The following SPOCK1 variants were observed in gnomAD, a reference collection of about 807,000 sequenced individuals.
SPOCK1 encodes SPARC (osteonectin), cwcv and kazal like domains proteoglycan 1, also known as testican-1.
In SPOCK1, 23 loss-of-function variants were observed where a neutral mutation model predicts 55.3. The observed-to-expected ratio is 0.42, with a 90% CI of 0.30 to 0.59. The LOEUF is 0.59. Among genes scored for constraint, SPOCK1 ranks in the 20% least tolerant of loss-of-function variants. The probability of loss-of-function intolerance (pLI) is 0.22; values close to 1 mark genes in which losing one functional copy is unlikely to be tolerated. For synonymous variants in SPOCK1, 226 were observed against 221.0 expected, an observed-to-expected ratio of 1.02 and a Z score of -0.20; for missense variants, 499 against 552.5, an observed-to-expected ratio of 0.90 and a Z score of 0.97.
At position 137,434,480 on chromosome 5, in the gene SPOCK1, C is replaced by CT. The variant is rs146762668; in HGVS notation, c.186+63892dup. 9.1e-3 allele frequency among the ~76,000 whole-genome samples: 620 copies of CT among 68,178 alleles called. 64 individuals carry two copies. Among genetic ancestry groups the CT allele is most frequent in the Non-Finnish European group, 0.011 (426 of 38,672 alleles). The allele number at this position is 68,178 out of a possible 152,430, so 44.7% of individuals were successfully genotyped here. ...TTTCCCTTCTCCATTTCTTTTTTTT[C>CT]TTTTTTTTTTTTTTTTTTTTTTTTT... On this transcript the variant is annotated intron_variant, in intron 2 of 10. Coordinates refer to ENST00000394945, the MANE Select transcript of SPOCK1 (RefSeq NM_004598.4).
At chr5:136,981,336 C>A (rs1241921081) in intron 9 of SPOCK1, among the ~76,000 whole-genome samples, 2 of 152,208 alleles carry the variant, frequency 1.3e-5, no homozygotes, top group Non-Finnish European at 2.9e-5. Flanking sequence ...AGAAAACTAT[C>A]TCTGATATGG....
chr5:137,053,503 A>C (rs1029350164), intron 6 of SPOCK1, among the ~76,000 whole-genome samples: 1 of 152,164 alleles, frequency 6.6e-6, no homozygotes, highest in Non-Finnish European at 1.5e-5. Flanking sequence ...AGCTGCAAAT[A>C]AGAAAGCTTA....
At chr5:137,082,067 T>C (rs559189320) in intron 5 of SPOCK1, among the ~76,000 whole-genome samples, 122 of 152,348 alleles carry the variant, frequency 8.0e-4, no homozygotes, top group African/African-American at 2.9e-3. Flanking sequence ...CATTCTGCCC[T>C]GCGAGGCAAG....
intron 3 of SPOCK1, among the ~76,000 whole-genome samples, chr5:137,211,718 G>A (rs1368581526): frequency 6.6e-6 from 1 of 152,170 alleles, no homozygotes; most frequent in African/African-American, 2.4e-5. Flanking sequence ...AAGGGCTGCA[G>A]GTTGAGTTGA....
intron 3 of SPOCK1, among the ~76,000 whole-genome samples, chr5:137,188,497 A>T (rs778276598): frequency 6.6e-6 from 1 of 152,082 alleles, no homozygotes; most frequent in Non-Finnish European, 1.5e-5. Context: ...TGATGTTACT[A>T]TTGTATTTGT....
At chr5:136,980,379 CAAGT>C (rs1386488974) in intron 9 of SPOCK1, among the ~76,000 whole-genome samples, 1 of 152,126 alleles carries the variant, frequency 6.6e-6, no homozygotes, top group Non-Finnish European at 1.5e-5. Flanking sequence ...CACAAATTTA[CAAGT>C]ATGTTACTAA....
chr5:136,992,790 C>T, intron 6 of SPOCK1, 190 bp from the exon 7 acceptor site: 1 of 483,720 alleles, frequency 2.1e-6, no homozygotes, highest in Non-Finnish European at 3.6e-6. Flanking sequence ...AGAGCCTAGA[C>T]CCCCAGGGCA....
At chr5:137,262,280 C>A (rs763683491) in intron 3 of SPOCK1, among the ~76,000 whole-genome samples, 3 of 152,146 alleles carry the variant, frequency 2.0e-5, no homozygotes, top group Admixed American at 1.3e-4. Flanking sequence ...TGTGACAATA[C>A]CTTTATTATT....
chr5:137,112,297 GT>G (rs1753490055), intron 5 of SPOCK1, 137 bp downstream of exon 5: 1 of 1,058,674 alleles, frequency 9.4e-7, no homozygotes, highest in Non-Finnish European at 1.4e-6. Context: ...ACATCTCTGA[GT>G]CTGCTAATGC....
In SPOCK1 at chr5:137,405,366, C is replaced by T. The variant is rs186690368; in HGVS notation, c.186+93007G>A. Among the ~76,000 whole-genome samples the T allele has an allele frequency of 2.7e-4, 41 of 152,314 alleles. No individual in the cohort carries two copies. In the East Asian group the frequency reaches 7.3e-3, roughly 27 times the overall value. On this transcript the variant is annotated intron_variant, in intron 2 of 10. Coordinates refer to ENST00000394945, the MANE Select transcript of SPOCK1 (RefSeq NM_004598.4). ...GGCTGAACTGCAAGTTATTAAGTCT[C>T]TGAAGGGAGAGAGCTTGGGGTGCAC...
chr5:137,466,136 T>A (rs1753615737), intron 2 of SPOCK1, among the ~76,000 whole-genome samples: 1 of 152,252 alleles, frequency 6.6e-6, no homozygotes, highest in Non-Finnish European at 1.5e-5. Context: ...TTTAATTTCA[T>A]CTTGCAGAAG....
At chr5:137,324,914 A>G (rs1758047099) in intron 2 of SPOCK1, among the ~76,000 whole-genome samples, 1 of 151,992 alleles carries the variant, frequency 6.6e-6, no homozygotes, top group African/African-American at 2.4e-5. Context: ...GAGAGAGCAG[A>G]CCATCACCAA....
chr5:137,310,351 C>T (rs1757768585), intron 2 of SPOCK1, among the ~76,000 whole-genome samples: 1 of 152,166 alleles, frequency 6.6e-6, no homozygotes. Context: ...TAATTATAAA[C>T]ACCACAGCAT....
intron 2 of SPOCK1, among the ~76,000 whole-genome samples, chr5:137,360,175 G>A (rs944979930): frequency 1.3e-5 from 2 of 152,238 alleles, no homozygotes; most frequent in Non-Finnish European, 2.9e-5. Flanking sequence ...ATCTCTCCCT[G>A]TGTCATTCCT....
At chr5:137,323,626 C>T (rs1458174363) in intron 2 of SPOCK1, among the ~76,000 whole-genome samples, 1 of 151,652 alleles carries the variant, frequency 6.6e-6, no homozygotes, top group Non-Finnish European at 1.5e-5. Context: ...ACTCAAATAA[C>T]AGCAAGAAAA....
At chr5:137,108,050 C>T (rs977886195) in intron 5 of SPOCK1, among the ~76,000 whole-genome samples, 1 of 152,096 alleles carries the variant, frequency 6.6e-6, no homozygotes, top group Non-Finnish European at 1.5e-5. Context: ...ACCGATGATC[C>T]AAAAAAGGTT....
chr5:137,458,330 A>AAAC (rs906057431), intron 2 of SPOCK1, among the ~76,000 whole-genome samples: 54 of 152,332 alleles, frequency 3.5e-4, no homozygotes, highest in African/African-American at 1.2e-3. Context: ...AAACAAAACA[A>AAAC]AACAAAAGAA....
chr5:137,186,135 C>T (rs1237516786), intron 3 of SPOCK1, among the ~76,000 whole-genome samples: 2 of 152,182 alleles, frequency 1.3e-5, no homozygotes, highest in Admixed American at 6.5e-5. Context: ...TGAGTCACCC[C>T]GTCTTTAACA....
At chr5:137,194,118 G>T (rs369691753) in intron 3 of SPOCK1, among the ~76,000 whole-genome samples, 1 of 152,188 alleles carries the variant, frequency 6.6e-6, no homozygotes, top group Admixed American at 6.5e-5. Flanking sequence ...GCAGAATGGC[G>T]AAGCATTTAA....
Sources: gnomAD v4.1 joint callset for allele counts (sites outside exome capture counted in the v4.1 genomes callset) on GRCh38, gnomAD v4.1.1 for gene constraint, MANE v1.5 for transcripts, NCBI Gene and HGNC (gene_info 2026-07-23, HGNC 2026-07-21) for gene names.